Variants in TANGO6 observed in about 807,000 individuals in gnomAD.
The protein encoded by TANGO6 is transport and Golgi organization protein 6 homolog.
TANGO6 carries 90 observed loss-of-function variants against 114.2 expected under a neutral mutation model. The observed-to-expected ratio is 0.79, with a 90% CI of 0.66 to 0.94. The LOEUF is 0.94. Among genes scored for constraint, TANGO6 ranks in the 40% least tolerant of loss-of-function variants. TANGO6 has a pLI of 0.00. For synonymous variants in TANGO6, 477 were observed against 509.8 expected (o/e 0.94, Z 0.87); for missense variants, 1,274 against 1,315.3 (o/e 0.97, Z 0.49).
In TANGO6 at chr16:68,998,459, C is replaced by T. The variant is rs527703363; in HGVS notation, c.2842+24291C>T. On this transcript the variant is annotated intron_variant, in intron 15 of 17. Transcript: ENST00000261778. The stretch of plus-strand genomic sequence containing the variant: ...AACCAGTTTGTTTGCAGGCCAGGCA[C>T]GGTGGCTCATGCCTGTAATCCCAGC... Among the ~76,000 whole-genome samples the T allele has an allele frequency of 3.9e-5, 6 of 152,192 alleles. No homozygotes were observed. In the East Asian group the frequency reaches 5.8e-4, roughly 15 times the overall value.
At chr16:68,973,247 A>G in intron 14 of TANGO6, 3 of 424,084 alleles carry the variant, frequency 7.1e-6, no homozygotes, top group South Asian at 5.1e-5. Context: ...TGGAACCCCT[A>G]TTTCTACTTA....
chr16:68,909,280 T>C lies in TANGO6; in HGVS notation c.1870T>C (p.Leu624=). 2 of 1,610,716 alleles carry C rather than the reference T, an allele frequency of 1.2e-6. No homozygotes were observed. Among genetic ancestry groups the C allele is most frequent in the East Asian group, 2.2e-5 (1 of 44,742 alleles). Residue 624 remains leucine (L), a synonymous_variant, in exon 11 of 18, where the codon TTG becomes CTG. Transcript: ENST00000261778. ...KTEPFSSKSL[L]ELEQHQTLLV... The stretch of plus-strand genomic sequence containing the variant: ...TGAGCCCTTCTCCAGCAAGAGCCTC[T>C]TGGAATTAGAGCAACATCAGACTCT...
chr16:68,984,684 G>A (rs1192426768), intron 15 of TANGO6, among the ~76,000 whole-genome samples: 3 of 151,990 alleles, frequency 2.0e-5, no homozygotes, highest in Non-Finnish European at 2.9e-5. Context: ...ACCATGCCCA[G>A]CTAATTTTTT....
intron 15 of TANGO6, among the ~76,000 whole-genome samples, chr16:69,007,706 T>G (rs1964106073): frequency 6.6e-6 from 1 of 152,228 alleles, no homozygotes; most frequent in Non-Finnish European, 1.5e-5. Context: ...ATATGGTAAC[T>G]CTATGTTTAA....
rs559562592 is a variant in TANGO6, at chr16:69,011,253, G to C, written c.2843-11575G>C. Among the ~76,000 whole-genome samples, 7 of 152,230 alleles carry C rather than the reference G, an allele frequency of 4.6e-5. No homozygotes were observed. In the East Asian group the frequency reaches 7.7e-4, roughly 17 times the overall value. ...CACATGTGTGTCTCAAAAAGAAAAG[G>C]GGGGGCAGGAGGAGAAAGAAGAGAG... On this transcript the variant is annotated intron_variant, in intron 15 of 17. Coordinates refer to ENST00000261778, the MANE Select transcript of TANGO6 (RefSeq NM_024562.2).
chr16:68,877,458 A>C (rs1192466243), intron 5 of TANGO6, among the ~76,000 whole-genome samples: 4 of 132,280 alleles, frequency 3.0e-5, no homozygotes, highest in Admixed American at 7.8e-5. Flanking sequence ...GCAGGGTGAG[A>C]CTCCATCTCA....
At chr16:68,937,893 A>T (rs1286863409) in intron 14 of TANGO6, among the ~76,000 whole-genome samples, 1 of 152,190 alleles carries the variant, frequency 6.6e-6, no homozygotes, top group Non-Finnish European at 1.5e-5. Flanking sequence ...GTTGTTAGGA[A>T]CATTTGTGTA....
At chr16:68,946,542 T>C (rs2152203777) in intron 14 of TANGO6, among the ~76,000 whole-genome samples, 1 of 152,192 alleles carries the variant, frequency 6.6e-6, no homozygotes, top group Admixed American at 6.5e-5. Flanking sequence ...AGTTGGTGTG[T>C]AGTGGTGCGA....
intron 15 of TANGO6, among the ~76,000 whole-genome samples, chr16:68,999,973 C>T (rs1964024987): frequency 6.6e-6 from 1 of 152,126 alleles, no homozygotes; most frequent in African/African-American, 2.4e-5. Context: ...GATTACAAAC[C>T]ATCTTTTGTA....
intron 11 of TANGO6, among the ~76,000 whole-genome samples, chr16:68,910,981 T>C (rs1331307202): frequency 1.3e-5 from 2 of 151,922 alleles, no homozygotes; most frequent in Non-Finnish European, 2.9e-5. Context: ...CCAGCCATTA[T>C]TGGTATATTG....
chr16:69,008,076 T>C (rs1964110024), intron 15 of TANGO6, among the ~76,000 whole-genome samples: 1 of 152,156 alleles, frequency 6.6e-6, no homozygotes, highest in Non-Finnish European at 1.5e-5. Flanking sequence ...TTTTCTTCCA[T>C]TTTGTGGGTT....
intron 7 of TANGO6, among the ~76,000 whole-genome samples, chr16:68,898,444 A>G (rs1962736802): frequency 1.3e-5 from 2 of 152,098 alleles, no homozygotes; most frequent in African/African-American, 4.8e-5. Context: ...CCTACTTCAA[A>G]ACTCTTTCTA....
chr16:69,059,227 G>A (rs921022329), intron 17 of TANGO6, among the ~76,000 whole-genome samples: 2 of 151,284 alleles, frequency 1.3e-5, no homozygotes, highest in African/African-American at 4.9e-5. Context: ...ACGCCACCAC[G>A]CCTGGCTAAT....
intron 15 of TANGO6, among the ~76,000 whole-genome samples, chr16:68,996,694 T>C (rs1963993223): frequency 6.6e-6 from 1 of 152,194 alleles, no homozygotes. Flanking sequence ...GATCCCTTTT[T>C]TCAGTAACTG....
At position 69,043,262 on chromosome 16, in the gene TANGO6, G is replaced by C. The variant is rs80273061; in HGVS notation, c.3108+2841G>C. Among the ~76,000 whole-genome samples the C allele has an allele frequency of 1.4e-4, 21 of 146,546 alleles. No individual in the cohort carries two copies. The East Asian group carries it at 4.2e-3, about 29-fold the overall frequency. Reference sequence around the variant, plus strand: ...TTACTGAGTGAGAGAGTGAAAGTGAGAGCGAGCGAGAGACAGAGCGAGTGT... The same window carrying C: ...TTACTGAGTGAGAGAGTGAAAGTGACAGCGAGCGAGAGACAGAGCGAGTGT... On this transcript the variant is annotated intron_variant, in intron 17 of 17. Coordinates refer to ENST00000261778, the MANE Select transcript of TANGO6 (RefSeq NM_024562.2).
intron 5 of TANGO6, among the ~76,000 whole-genome samples, chr16:68,877,479 AAAAAGG>A (rs1292247535): frequency 1.3e-5 from 2 of 151,906 alleles, no homozygotes; most frequent in Non-Finnish European, 2.9e-5. Context: ...AAAAAAAAAA[AAAAAGG>A]AAAAAGAAAA....
chr16:68,879,997 G>C (rs1343099565), intron 6 of TANGO6, among the ~76,000 whole-genome samples: 1 of 150,952 alleles, frequency 6.6e-6, no homozygotes, highest in Non-Finnish European at 1.5e-5. Context: ...TTTTGAGACA[G>C]AGTCTCACTC....
chr16:68,938,876 T>C (rs571425720), intron 14 of TANGO6, among the ~76,000 whole-genome samples: 75 of 151,656 alleles, frequency 4.9e-4, no homozygotes, highest in Middle Eastern at 6.8e-3. Flanking sequence ...CATTACTTTG[T>C]TGGGAGAGCT....
At chr16:69,064,774 T>C (rs1480910623) in intron 17 of TANGO6, among the ~76,000 whole-genome samples, 2 of 152,206 alleles carry the variant, frequency 1.3e-5, no homozygotes, top group African/African-American at 4.8e-5. Context: ...AGATAATGTG[T>C]GTCCAGGGCT....
Sources: allele counts gnomAD v4.1 joint callset (sites outside exome capture counted in the v4.1 genomes callset), GRCh38; gene constraint gnomAD v4.1.1; transcripts MANE v1.5; gene names NCBI Gene and HGNC (gene_info 2026-07-23, HGNC 2026-07-21).